Variants in BUD13 observed in about 807,000 individuals in gnomAD.
BUD13 encodes the protein BUD13 homolog.
A neutral mutation model predicts 62.5 loss-of-function variants in BUD13; 47 were observed. The observed-to-expected ratio is 0.75, with a 90% CI of 0.60 to 0.96. The LOEUF is 0.96. Ranked by LOEUF, BUD13 falls within the 40% of genes least tolerant of loss-of-function variation. BUD13 has a pLI of 0.00. For missense variants in BUD13, 821 were observed against 790.9 expected (o/e 1.04, Z -0.46); for synonymous variants, 293 against 280.1 (o/e 1.05, Z -0.46).
At position 116,758,338 on chromosome 11, in the gene BUD13, C is replaced by T. The variant is rs758268223; in HGVS notation, c.1430G>A (p.Arg477His). The T allele has an allele frequency of 3.7e-6, 6 of 1,614,154 alleles. No homozygotes were observed. The highest frequency in any genetic ancestry group is 2.2e-5 in the East Asian group (1 of 44,882). ...TTCTGCTTTCCTCCTTTGCTCTAAA[C>T]GTTCGAGTTTCAAATTCCTCTTACG... The part of the protein sequence containing the change: ...SGRKRNLKLE[R>H]LEQRRKAEKD... The change falls in exon 7 of 10, where the codon CGT becomes CAT. Residue 477 changes from arginine (R) to histidine (H), a missense_variant. Arg to His is a conservative substitution (Grantham distance 29). Transcript: ENST00000260210.
At chr11:116,766,175 G>A (rs1191066664) in intron 2 of BUD13, among the ~76,000 whole-genome samples, 1 of 152,192 alleles carries the variant, frequency 6.6e-6, no homozygotes, top group African/African-American at 2.4e-5. Flanking sequence ...GACCTGTGAT[G>A]TAAGTCCACA....
intron 2 of BUD13, among the ~76,000 whole-genome samples, chr11:116,765,982 G>A (rs73021157): frequency 6.6e-6 from 1 of 152,246 alleles, no homozygotes; most frequent in Non-Finnish European, 1.5e-5. Flanking sequence ...CTAAACTTCT[G>A]AACAAATCAG....
At position 116,772,953 on chromosome 11, in the gene BUD13, A is replaced by G; in HGVS notation, c.12T>C (p.Ala4=). ...GATACTCGGCCTTGGAAAGCGGCGGAGCTGCCGCCATGGCAGCGGCGGGGG... is the reference window on the plus strand; with the variant it reads ...GATACTCGGCCTTGGAAAGCGGCGGGGCTGCCGCCATGGCAGCGGCGGGGG... MAA[A]PPLSKAEYLK... Residue 4 remains alanine, a synonymous_variant, in exon 1 of 10, where the codon GCT becomes GCC. Coordinates refer to ENST00000260210, the MANE Select transcript of BUD13 (RefSeq NM_032725.4). 6.4e-7 allele frequency: 1 copy of G among 1,561,818 alleles called. No individual in the cohort carries two copies. The highest frequency in any genetic ancestry group is 8.7e-7 in the Non-Finnish European group (1 of 1,152,150).
intron 9 of BUD13, among the ~76,000 whole-genome samples, chr11:116,752,936 A>AT (rs1453500852): frequency 1.3e-5 from 2 of 152,156 alleles, no homozygotes; most frequent in East Asian, 3.8e-4. Flanking sequence ...TGGCTGTTGG[A>AT]TTTTGACGGC....
At chr11:116,770,321 T>A in intron 1 of BUD13, 99 bp from the exon 2 acceptor site, 1 of 939,852 alleles carries the variant, frequency 1.1e-6, no homozygotes, top group East Asian at 2.8e-5. Context: ...TCCTACAGGA[T>A]CCTGCATGGT....
At chr11:116,765,501 C>G (rs1940517184) in intron 2 of BUD13, 55 bp from the exon 3 acceptor site, 5 of 1,592,032 alleles carry the variant, frequency 3.1e-6, no homozygotes, top group Non-Finnish European at 4.3e-6. Context: ...AGCCAAGAAG[C>G]ACTGTCTCAA....
At chr11:116,758,141 G>C in intron 7 of BUD13, 128 bp downstream of exon 7, 1 of 1,457,508 alleles carries the variant, frequency 6.9e-7, no homozygotes, top group Non-Finnish European at 9.3e-7. Flanking sequence ...AGAAGATTCA[G>C]CACACCAAAT....
chr11:116,762,931 G>C lies in BUD13; in HGVS notation c.658C>G (p.His220Asp). The C allele has an allele frequency of 1.2e-6, 2 of 1,614,116 alleles. No individual in the cohort carries two copies. The highest frequency in any genetic ancestry group is 1.7e-6 in the Non-Finnish European group (2 of 1,179,978). The change falls in exon 4 of 10, where the codon CAT becomes GAT. Residue 220 changes from histidine to aspartate, a missense_variant. His to Asp is a moderately conservative substitution (Grantham distance 81, BLOSUM62 -1). Around this residue, in one of 2 missense-constraint regions of BUD13, gnomAD observed 800 missense variants for 739.2 expected, o/e 1.08. Transcript: ENST00000260210. ...GGAGGAGAGGGATCTGGTGAATCAT[G>C]ACGGACTCTCCTAGGAGATGCACCT... is the stretch of plus-strand genomic sequence containing the variant. ...SSGASPRRVR[H>D]DSPDPSPPRR...
intron 2 of BUD13, among the ~76,000 whole-genome samples, chr11:116,767,590 C>CAAA (rs57036085): frequency 6.1e-4 from 49 of 80,610 alleles, no homozygotes; most frequent in East Asian, 7.8e-4. Flanking sequence ...GAGACTCCAC[C>CAAA]AAAAAAAAAA....
intron 9 of BUD13, among the ~76,000 whole-genome samples, chr11:116,756,479 T>C (rs1406884407): frequency 6.6e-6 from 1 of 151,766 alleles, no homozygotes; most frequent in African/African-American, 2.4e-5. Context: ...GCCACTGCAC[T>C]CCAGCCTGGG....
At position 116,757,824 on chromosome 11, in the gene BUD13, C is replaced by G; in HGVS notation, c.1626G>C (p.Gly542=). Residue 542 remains glycine, a synonymous_variant, in exon 8 of 10, where the codon GGG becomes GGC. Coordinates refer to ENST00000260210, the MANE Select transcript of BUD13 (RefSeq NM_032725.4). ...TCTTGATGAAGTTGGCCATAGGGTC[C>G]CCCTCTCTTTCCTGTTCTCTTAGCA... ...DRMLREQERE[G]DPMANFIKKN... 6.2e-7 allele frequency: 1 copy of G among 1,614,100 alleles called. No homozygotes were observed. The highest frequency in any genetic ancestry group is 8.5e-7 in the Non-Finnish European group (1 of 1,180,016).
intron 5 of BUD13, among the ~76,000 whole-genome samples, 198 bp downstream of exon 5, chr11:116,760,537 G>A (rs993486381): frequency 6.6e-6 from 1 of 152,186 alleles, no homozygotes; most frequent in East Asian, 1.9e-4. Flanking sequence ...TGGGAAATCT[G>A]GTATCTGTAA....
intron 9 of BUD13, among the ~76,000 whole-genome samples, chr11:116,755,048 G>A (rs920214959): frequency 6.6e-6 from 1 of 152,190 alleles, no homozygotes; most frequent in Admixed American, 6.5e-5. Context: ...ATCCTGTGGT[G>A]AATCCAATGT....
In BUD13 at chr11:116,772,176, C is replaced by T. The variant is rs546982122; in HGVS notation, c.143+646G>A. On this transcript the variant is annotated intron_variant, in intron 1 of 9. Transcript: ENST00000260210. ...GATTACATCTCCAAAGACCCTATTT[C>T]TAAATGTCACATTCTGTGGTTCTGG... Among the ~76,000 whole-genome samples the T allele has an allele frequency of 2.6e-5, 4 of 152,282 alleles. No homozygotes were observed. The East Asian group carries it at 7.7e-4, about 29-fold the overall frequency.
intron 8 of BUD13, 135 bp downstream of exon 8, chr11:116,757,631 A>G (rs1940352834): frequency 1.7e-6 from 2 of 1,158,414 alleles, no homozygotes; most frequent in Non-Finnish European, 2.4e-6. Context: ...AGACCAATTG[A>G]GTTGAATCTA....
At position 116,765,504 on chromosome 11, in the gene BUD13, T is replaced by C. The variant is rs1162009750; in HGVS notation, c.238-58A>G. ...TCCACAGGATCCAGCCAAGAAGCAC[T>C]GTCTCAAGAACCTGAAGTTACAACC... On this transcript the variant is annotated intron_variant, in intron 2 of 9. Coordinates refer to ENST00000260210, the MANE Select transcript of BUD13 (RefSeq NM_032725.4). 13 of 1,584,406 alleles carry C rather than the reference T, an allele frequency of 8.2e-6. No homozygotes were observed. The Admixed American group carries it at 1.0e-4, about 12-fold the overall frequency.
intron 3 of BUD13, 52 bp downstream of exon 3, chr11:116,765,310 A>G: frequency 1.3e-6 from 2 of 1,568,360 alleles, no homozygotes; most frequent in East Asian, 2.2e-5. Flanking sequence ...GAAAAGGAAA[A>G]AAGATCTCCC....
At chr11:116,755,537 C>T (rs762951468) in intron 9 of BUD13, among the ~76,000 whole-genome samples, 3 of 152,170 alleles carry the variant, frequency 2.0e-5, no homozygotes, top group African/African-American at 4.8e-5. Flanking sequence ...AAGAAACCAG[C>T]ACTTGTTGAG....
Position 116,751,395 on chromosome 11 carries a change from G to A in BUD13, c.1767-2820C>T, listed in dbSNP as rs552580611. 3.9e-5 allele frequency among the ~76,000 whole-genome samples: 6 copies of A among 152,256 alleles called. No individual in the cohort carries two copies. In the South Asian group the frequency reaches 6.2e-4, roughly 16 times the overall value. On this transcript the variant is annotated intron_variant, in intron 9 of 9. Transcript: ENST00000260210. ...TGTAATCCCAGCACTTTGGGAGGCC[G>A]AGGCAGGTGAATCACCTGAGATGAG...
Sources: gnomAD v4.1 joint callset for allele counts (sites outside exome capture counted in the v4.1 genomes callset) on GRCh38, gnomAD v4.1.1 for gene constraint, gnomAD v4.1.1 regional missense constraint, MANE v1.5 for transcripts, NCBI Gene and HGNC (gene_info 2026-07-23, HGNC 2026-07-21) for gene names.